Variants in FIRRM observed in about 807,000 individuals in gnomAD.
The protein encoded by FIRRM is FIGNL1-interacting regulator of recombination and mitosis.
At chr1:169,786,705 A>G in the FIRRM span, among the ~76,000 whole-genome samples, 1 of 152,230 alleles carries the variant, frequency 6.6e-6, no homozygotes, top group African/African-American at 2.4e-5. Flanking sequence ...GCTCTAGGAC[A>G]TTTTAGACAC....
chr1:169,792,176 T>G, the FIRRM span, among the ~76,000 whole-genome samples: 1 of 152,200 alleles, frequency 6.6e-6, no homozygotes, highest in Non-Finnish European at 1.5e-5. Context: ...CCTATTTACA[T>G]AAGGCCCCAA....
chr1:169,787,772 A>G, the FIRRM span, among the ~76,000 whole-genome samples: 5 of 152,236 alleles, frequency 3.3e-5, no homozygotes, highest in East Asian at 1.9e-4. Context: ...GATGTCCTCA[A>G]TGGAATGGCT....
chr1:169,842,275 G>A, the FIRRM span: 4 of 645,388 alleles, frequency 6.2e-6, no homozygotes, highest in African/African-American at 3.7e-5. Flanking sequence ...CTGAAAAGAT[G>A]GCTTTGGCTC....
the FIRRM span, chr1:169,802,538 A>T: frequency 1.1e-6 from 1 of 888,024 alleles, no homozygotes; most frequent in Non-Finnish European, 1.8e-6. Flanking sequence ...AAATTATCGT[A>T]TTGTGTTTTC....
At chr1:169,792,096 A>C in the FIRRM span, among the ~76,000 whole-genome samples, 44 of 152,326 alleles carry the variant, frequency 2.9e-4, no homozygotes, top group Admixed American at 8.5e-4. Context: ...ATTTAGTTAA[A>C]TTCTCAGCAT....
chr1:169,852,609 TA>T, the FIRRM span: 1 of 624,500 alleles, frequency 1.6e-6, no homozygotes, highest in East Asian at 2.8e-5. Flanking sequence ...ATTGCTATGA[TA>T]AACCAAAATG....
the FIRRM span, chr1:169,795,375 G>A: frequency 2.1e-5 from 29 of 1,409,934 alleles, no homozygotes; most frequent in Middle Eastern, 2.4e-4. Flanking sequence ...TGAGGGACTG[G>A]AGGGGAAGCG....
At chr1:169,815,102 C>G in the FIRRM span, among the ~76,000 whole-genome samples, 1 of 151,708 alleles carries the variant, frequency 6.6e-6, no homozygotes, top group African/African-American at 2.4e-5. Flanking sequence ...TGGAGACCAG[C>G]CTGGCCAACG....
the FIRRM span, among the ~76,000 whole-genome samples, chr1:169,805,271 C>T: frequency 6.6e-6 from 1 of 152,206 alleles, no homozygotes; most frequent in East Asian, 1.9e-4. Flanking sequence ...CCACCTGGGG[C>T]ACTAGCTCAC....
the FIRRM span, among the ~76,000 whole-genome samples, chr1:169,827,391 A>C: frequency 3.3e-5 from 5 of 152,226 alleles, no homozygotes; most frequent in African/African-American, 4.8e-5. Flanking sequence ...TAATCCCAGC[A>C]CTTTGGGAGG....
At chr1:169,845,802 C>T in the FIRRM span, among the ~76,000 whole-genome samples, 1 of 152,164 alleles carries the variant, frequency 6.6e-6, no homozygotes, top group Non-Finnish European at 1.5e-5. Context: ...GGCTTGAACC[C>T]CCCAAAGTCA....
the FIRRM span, among the ~76,000 whole-genome samples, chr1:169,802,898 TAAG>T: frequency 0.19 from 28,160 of 152,194 alleles, 2,752 homozygotes; most frequent in South Asian, 0.26. Flanking sequence ...TAAACTCTTA[TAAG>T]AAGAGAAGTC....
the FIRRM span, chr1:169,792,451 A>G: frequency 3.4e-6 from 3 of 884,124 alleles, no homozygotes; most frequent in Non-Finnish European, 3.3e-6. Flanking sequence ...CTCACTTACA[A>G]TTTGGATAAA....
At chr1:169,815,483 T>C in the FIRRM span, among the ~76,000 whole-genome samples, 1 of 152,084 alleles carries the variant, frequency 6.6e-6, no homozygotes, top group Non-Finnish European at 1.5e-5. Context: ...GTAGATCATA[T>C]AGGGTAACTT....
At chr1:169,793,435 G>T in the FIRRM span, 1 of 1,614,088 alleles carries the variant, frequency 6.2e-7, no homozygotes, top group Non-Finnish European at 8.5e-7. Context: ...GTGGCTCCAA[G>T]TTCCTTGAAC....
chr1:169,850,755 C>G, the FIRRM span: 1 of 164,718 alleles, frequency 6.1e-6, no homozygotes, highest in Non-Finnish European at 1.3e-5. Flanking sequence ...AAGATCATGC[C>G]ACTGCACTCC....
At chr1:169,795,013 G>A in the FIRRM span, 2 of 1,021,670 alleles carry the variant, frequency 2.0e-6, no homozygotes, top group Admixed American at 2.0e-5. Flanking sequence ...TTTTGGAGCC[G>A]GCGGAGAGCG....
the FIRRM span, among the ~76,000 whole-genome samples, chr1:169,809,872 A>C: frequency 4.3e-3 from 654 of 152,314 alleles, 5 homozygotes; most frequent in African/African-American, 0.015. Context: ...TTTTCCTGGC[A>C]GTTTTCACTT....
the FIRRM span, chr1:169,830,236 TTA>T: frequency 3.6e-5 from 57 of 1,572,566 alleles, no homozygotes; most frequent in Non-Finnish European, 4.9e-5. Flanking sequence ...TTTAAATAAA[TTA>T]ATTTTTCTGT....
Sources: allele counts gnomAD v4.1 joint callset (sites outside exome capture counted in the v4.1 genomes callset), GRCh38; gene constraint gnomAD v4.1.1; transcripts MANE v1.5; gene names NCBI Gene and HGNC (gene_info 2026-07-23, HGNC 2026-07-21).